The following SERPINE2 variants were observed in gnomAD, a reference collection of about 807,000 sequenced individuals.
SERPINE2 encodes the protein serpin family E member 2, also known as glia-derived nexin.
SERPINE2 carries 14 observed loss-of-function variants against 36.3 expected under a neutral mutation model. That is an observed-to-expected ratio of 0.39 (90% CI 0.25 to 0.60). The LOEUF (loss-of-function observed/expected upper bound fraction) is 0.60. SERPINE2 is among the 20% of genes least tolerant of loss of function. The pLI is 0.57. For synonymous variants in SERPINE2, 192 were observed against 191.8 expected (o/e 1.00, Z -0.01); for missense variants, 418 against 499.6 (o/e 0.84, Z 1.56).
At chr2:224,035,210 G>C (rs939992984) in intron 1 of SERPINE2, among the ~76,000 whole-genome samples, 2 of 152,116 alleles carry the variant, frequency 1.3e-5, no homozygotes, top group African/African-American at 2.4e-5. Flanking sequence ...CTCAGCCTAG[G>C]GTCTCTAGCT....
chr2:224,025,177 G>T (rs1692143376), intron 1 of SERPINE2, among the ~76,000 whole-genome samples: 1 of 152,172 alleles, frequency 6.6e-6, no homozygotes, highest in Non-Finnish European at 1.5e-5. Flanking sequence ...CCACAAGACT[G>T]GCACGGCCAA....
rs36049464 is a variant in SERPINE2, at chr2:223,993,530, A to ATGTGTGTG, written c.488-1538_488-1531dup. 7.1e-3 allele frequency among the ~76,000 whole-genome samples: 1,067 copies of ATGTGTGTG among 149,894 alleles called. 10 individuals are homozygous for ATGTGTGTG. The highest frequency in any genetic ancestry group is 0.015 in the African/African-American group (597 of 40,830). ...TTCACTGCATTATTAGCTCAAATAT[A>ATGTGTGTG]TGTGTGTGTGTGTGTGTGTGTGTGT... On this transcript the variant is annotated intron_variant, in intron 3 of 8. Coordinates refer to ENST00000409304, the MANE Select transcript of SERPINE2 (RefSeq NM_001136528.2).
At chr2:223,977,670 A>T in intron 7 of SERPINE2, 43 bp from the exon 8 acceptor site, 20 of 1,345,750 alleles carry the variant, frequency 1.5e-5, no homozygotes, top group Non-Finnish European at 2.0e-5. Context: ...ATTACATGAG[A>T]CCATGTAAGC....
intron 1 of SERPINE2, chr2:224,010,473 T>G: frequency 1.6e-6 from 1 of 618,560 alleles, no homozygotes; most frequent in Non-Finnish European, 2.0e-6. Context: ...CTGAAATCTC[T>G]TTGGGTTGAT....
chr2:224,002,528 T>C (rs1445301653), intron 1 of SERPINE2, among the ~76,000 whole-genome samples: 2 of 152,126 alleles, frequency 1.3e-5, no homozygotes, highest in Non-Finnish European at 2.9e-5. Flanking sequence ...AGTCTCACTC[T>C]GCTGCCCAGG....
At chr2:223,989,099 A>G (rs998186652) in intron 4 of SERPINE2, among the ~76,000 whole-genome samples, 2 of 152,214 alleles carry the variant, frequency 1.3e-5, no homozygotes. Context: ...AGGTATACTG[A>G]GGATTTTGCA....
chr2:224,035,152 C>T (rs1314466444), intron 1 of SERPINE2, among the ~76,000 whole-genome samples: 2 of 152,056 alleles, frequency 1.3e-5, no homozygotes, highest in Non-Finnish European at 2.9e-5. Context: ...ATGAGGTGCA[C>T]GACACTGTGC....
chr2:224,014,131 T>C (rs952247129), intron 1 of SERPINE2, among the ~76,000 whole-genome samples: 7 of 152,142 alleles, frequency 4.6e-5, no homozygotes, highest in Non-Finnish European at 7.4e-5. Flanking sequence ...TCCTAGCCCT[T>C]TGGGAAGCCA....
At chr2:224,008,398 T>C (rs187646545) in intron 1 of SERPINE2, among the ~76,000 whole-genome samples, 1 of 152,358 alleles carries the variant, frequency 6.6e-6, no homozygotes, top group East Asian at 1.9e-4. Context: ...CAGGACAAAT[T>C]CTTCATTCAT....
In SERPINE2 at chr2:224,003,050, G is replaced by A. The variant is rs548917970; in HGVS notation, c.-22-1128C>T. Among the ~76,000 whole-genome samples the A allele has an allele frequency of 5.5e-4, 83 of 152,194 alleles. No individual in the cohort carries two copies. The South Asian group carries it at 7.2e-3, about 13-fold the overall frequency. ...AGCAGATGAGGGGCCGGCAGGGTGC[G>A]GGGGGTGGTCATTAGATAGGGTGAT... On this transcript the variant is annotated intron_variant, in intron 1 of 8. Transcript: ENST00000409304.
At chr2:224,031,142 G>C in intron 1 of SERPINE2, 3 of 985,384 alleles carry the variant, frequency 3.0e-6, no homozygotes, top group Non-Finnish European at 3.6e-6. Flanking sequence ...AATATCCATG[G>C]TATCAGCTCA....
chr2:223,997,127 A>G (rs1438929132), intron 3 of SERPINE2, among the ~76,000 whole-genome samples: 1 of 152,196 alleles, frequency 6.6e-6, no homozygotes, highest in Non-Finnish European at 1.5e-5. Flanking sequence ...CCCATCCTTC[A>G]CATTCTCCTG....
chr2:223,991,780 G>C, intron 4 of SERPINE2, 23 bp downstream of exon 4: 1 of 1,612,426 alleles, frequency 6.2e-7, no homozygotes, highest in Non-Finnish European at 8.5e-7. Context: ...TCCTAGAACA[G>C]GCTTCGCTGA....
chr2:223,982,526 G>T, intron 6 of SERPINE2, 155 bp downstream of exon 6: 1 of 468,440 alleles, frequency 2.1e-6, no homozygotes, highest in Non-Finnish European at 3.8e-6. Context: ...ATAAATAAAC[G>T]AAGGCCAATA....
At chr2:224,010,175 A>C (rs1402047536) in intron 1 of SERPINE2, among the ~76,000 whole-genome samples, 5 of 152,198 alleles carry the variant, frequency 3.3e-5, no homozygotes, top group Non-Finnish European at 7.3e-5. Context: ...CAACTTATCA[A>C]GGGGACAGCA....
chr2:224,031,282 G>A lies in SERPINE2; in HGVS notation c.-23+7817C>T, dbSNP rs573504004. 94 of 985,312 alleles carry A rather than the reference G, an allele frequency of 9.5e-5. No homozygotes were observed. In the African/African-American group the frequency reaches 1.4e-3, roughly 15 times the overall value. 61.0% of individuals were successfully genotyped at this position (985,312 alleles called of 1,614,324 possible). The stretch of plus-strand genomic sequence containing the variant: ...GTGACCCCCCACATACTGCGTGACC[G>A]TGGACCCTTTATCTCTGCCACACCC... On this transcript the variant is annotated intron_variant, in intron 1 of 8. Coordinates refer to ENST00000409304, the MANE Select transcript of SERPINE2 (RefSeq NM_001136528.2).
At chr2:223,992,275 A>T (rs1435913108) in intron 3 of SERPINE2, among the ~76,000 whole-genome samples, 1 of 152,150 alleles carries the variant, frequency 6.6e-6, no homozygotes, top group Non-Finnish European at 1.5e-5. Context: ...TTTTATTATC[A>T]ATTCCCTGCA....
chr2:223,991,938 C>G lies in SERPINE2; in HGVS notation c.550G>C (p.Val184Leu), dbSNP rs201689138. Residue 184 changes from valine to leucine, a missense_variant, in exon 4 of 9, where the codon GTC becomes CTC. Val to Leu is a conservative substitution (Grantham distance 32). Coordinates refer to ENST00000409304, the MANE Select transcript of SERPINE2 (RefSeq NM_001136528.2). ...IDGVLTRLVL[V>L]NAVYFKGLWK... is the part of the protein sequence containing the mutation. ...AGACCCTTGAAATACACTGCGTTGA[C>G]GAGGACCAGTCTGGTGAGCACACCA... 1 of 1,613,266 alleles carries G rather than the reference C, an allele frequency of 6.2e-7. No individual in the cohort carries two copies. The highest frequency in any genetic ancestry group is 8.5e-7 in the Non-Finnish European group (1 of 1,179,686).
intron 5 of SERPINE2, among the ~76,000 whole-genome samples, chr2:223,983,694 G>GCA (rs71058970): frequency 0.017 from 322 of 18,866 alleles, 4 homozygotes; most frequent in African/African-American, 0.04. Flanking sequence ...GGAGATATAT[G>GCA]CACACACACA....
Sources: gnomAD v4.1 joint callset for allele counts (sites outside exome capture counted in the v4.1 genomes callset) on GRCh38, gnomAD v4.1.1 for gene constraint, MANE v1.5 for transcripts, NCBI Gene and HGNC (gene_info 2026-07-23, HGNC 2026-07-21) for gene names.